Variants in HECA observed in about 807,000 individuals in gnomAD.
The protein encoded by HECA is headcase protein homolog.
A neutral mutation model predicts 37.6 loss-of-function variants in HECA; 13 were observed. The ratio of observed to expected loss-of-function variants is 0.35; its 90% CI spans 0.23 to 0.55. The LOEUF (loss-of-function observed/expected upper bound fraction) is 0.55, where lower values mean the gene tolerates loss of function less well. Ranked by LOEUF, HECA falls within the 20% of genes least tolerant of loss-of-function variation. The probability of loss-of-function intolerance (pLI) is 0.90; values close to 1 mark genes in which losing one functional copy is unlikely to be tolerated. For missense variants in HECA, 527 were observed against 701.9 expected (o/e 0.75, Z 2.82); for synonymous variants, 307 against 291.5 (o/e 1.05, Z -0.54).
chr6:139,159,100 T>G (rs951381686), intron 1 of HECA: 2 of 152,120 alleles, frequency 1.3e-5, no homozygotes, highest in Admixed American at 6.5e-5. Context: ...AAAAAAAAAT[T>G]ATTATTTCTG....
chr6:139,161,996 C>G (rs1008089647), intron 1 of HECA, among the ~76,000 whole-genome samples: 1 of 152,214 alleles, frequency 6.6e-6, no homozygotes, highest in Non-Finnish European at 1.5e-5. Context: ...GATTACAGCT[C>G]TCTTTTTCAC....
intron 1 of HECA, among the ~76,000 whole-genome samples, chr6:139,148,324 G>A (rs149687225): frequency 1.3e-5 from 2 of 152,352 alleles, no homozygotes; most frequent in African/African-American, 4.8e-5. Context: ...TGTGAGGAAA[G>A]TTGTGAAATT....
chr6:139,135,983 CGAAGGGAGGAAG>C (rs1314911188), intron 1 of HECA, among the ~76,000 whole-genome samples: 7 of 151,822 alleles, frequency 4.6e-5, no homozygotes, highest in African/African-American at 1.4e-4. Flanking sequence ...TGTGCCGGGC[CGAAGGGAGGAAG>C]GAAGGGAGGA....
At chr6:139,143,134 A>G (rs1229908637) in intron 1 of HECA, among the ~76,000 whole-genome samples, 3 of 152,228 alleles carry the variant, frequency 2.0e-5, no homozygotes, top group African/African-American at 7.2e-5. Flanking sequence ...GCTAGGTGCT[A>G]TAACTTACGC....
chr6:139,136,110 A>C (rs1445084699), intron 1 of HECA, among the ~76,000 whole-genome samples: 1 of 151,946 alleles, frequency 6.6e-6, no homozygotes, highest in Non-Finnish European at 1.5e-5. Context: ...TGAAGGAGAG[A>C]GAGCCTCAAT....
At chr6:139,161,013 G>T (rs946851478) in intron 1 of HECA, among the ~76,000 whole-genome samples, 1 of 152,202 alleles carries the variant, frequency 6.6e-6, no homozygotes, top group Admixed American at 6.5e-5. Flanking sequence ...ATTCCCTGCT[G>T]CTTTTCCAGT....
chr6:139,164,804 C>A (rs1335583714), intron 1 of HECA, among the ~76,000 whole-genome samples: 1 of 151,490 alleles, frequency 6.6e-6, no homozygotes, highest in Non-Finnish European at 1.5e-5. Flanking sequence ...CGCCCCCCAC[C>A]GCTCATACAA....
chr6:139,143,816 G>C (rs2114438620), intron 1 of HECA, among the ~76,000 whole-genome samples: 1 of 150,892 alleles, frequency 6.6e-6, no homozygotes, highest in South Asian at 2.1e-4. Context: ...AGCCGAGATT[G>C]CGCCACTGCA....
At chr6:139,152,418 A>G (rs1031134028) in intron 1 of HECA, among the ~76,000 whole-genome samples, 18 of 147,428 alleles carry the variant, frequency 1.2e-4, no homozygotes, top group African/African-American at 2.0e-4. Flanking sequence ...GAAGCATTGG[A>G]TGTGTGTGTG....
At position 139,174,540 on chromosome 6, in the gene HECA, G is replaced by A. The variant is rs761348110; in HGVS notation, c.1467+1G>A. 2 of 1,613,920 alleles carry A rather than the reference G, an allele frequency of 1.2e-6. No individual in the cohort carries two copies. Among genetic ancestry groups the A allele is most frequent in the Non-Finnish European group, 1.7e-6 (2 of 1,179,896 alleles). ...CCTGGCTGCCTCTCCATGTTGTCAGGTAGGTACTGAACACACTGAGGGAGC... is the reference window on the plus strand; with the variant it reads ...CCTGGCTGCCTCTCCATGTTGTCAGATAGGTACTGAACACACTGAGGGAGC... On this transcript the variant is annotated splice_donor_variant, in intron 3 of 3. Coordinates refer to ENST00000367658, the MANE Select transcript of HECA (RefSeq NM_016217.3). LOFTEE classifies it high-confidence loss of function.
chr6:139,174,622 A>G lies in HECA; in HGVS notation c.1467+83A>G, dbSNP rs573488442. ...GAATGTAGGGAAGATGCGTCTGGCAATAAAGAAGAAATTCAGTCCAGCAAT... is the reference window on the plus strand; with the variant it reads ...GAATGTAGGGAAGATGCGTCTGGCAGTAAAGAAGAAATTCAGTCCAGCAAT... On this transcript the variant is annotated intron_variant, in intron 3 of 3. Coordinates refer to ENST00000367658, the MANE Select transcript of HECA (RefSeq NM_016217.3). 5 of 1,539,558 alleles carry G rather than the reference A, an allele frequency of 3.2e-6. No homozygotes were observed. In the South Asian group the frequency reaches 6.3e-5, roughly 19 times the overall value.
In HECA at chr6:139,180,109, T is replaced by G. The variant is rs1353105317; in HGVS notation, c.*3004T>G. 6.6e-6 allele frequency: 1 copy of G among 152,200 alleles called. No individual in the cohort carries two copies. Among genetic ancestry groups the G allele is most frequent in the Non-Finnish European group, 1.5e-5 (1 of 68,036 alleles). The allele number at this position is 152,200 out of a possible 1,614,324, so 9.4% of individuals were successfully genotyped here. A position where few individuals can be genotyped will look rare whatever the true frequency, so the allele number is the denominator to read the frequency against. On this transcript the variant is annotated 3_prime_UTR_variant, in exon 4 of 4. Coordinates refer to ENST00000367658, the MANE Select transcript of HECA (RefSeq NM_016217.3). ...ACATGGTGCCATGAAGTTGGGGAGT[T>G]GGGTGAATTATCCCATTCTAGTTAC... is the stretch of plus-strand genomic sequence containing the variant.
At chr6:139,153,557 G>A (rs568171765) in intron 1 of HECA, among the ~76,000 whole-genome samples, 73 of 151,974 alleles carry the variant, frequency 4.8e-4, no homozygotes, top group African/African-American at 1.7e-3. Context: ...CGAGTAGCTG[G>A]GATTACAGGC....
intron 1 of HECA, chr6:139,150,942 A>G (rs547479093): frequency 6.6e-6 from 1 of 152,254 alleles, no homozygotes; most frequent in South Asian, 2.1e-4. Flanking sequence ...TCAAGTTAGT[A>G]TATGTGAACT....
At position 139,166,806 on chromosome 6, in the gene HECA, C is replaced by T. The variant is rs1774894079; in HGVS notation, c.794C>T (p.Pro265Leu). 12 of 1,613,750 alleles carry T rather than the reference C, an allele frequency of 7.4e-6. No individual in the cohort carries two copies. The highest frequency in any genetic ancestry group is 1.0e-5 in the Non-Finnish European group (12 of 1,179,964). ...GCCGCAGCCTACGGTGCCCGTTCCC[C>T]CGGTGGCTCCCCGGGCCAGTCCCCA... ...VGAAAYGARS[P>L]GGSPGQSPPT... Residue 265 changes from proline (P) to leucine (L), a missense_variant, in exon 2 of 4, where the codon CCC becomes CTC. Coordinates refer to ENST00000367658, the MANE Select transcript of HECA (RefSeq NM_016217.3).
At chr6:139,137,558 C>G (rs961568368) in intron 1 of HECA, among the ~76,000 whole-genome samples, 5 of 151,600 alleles carry the variant, frequency 3.3e-5, no homozygotes, top group African/African-American at 1.2e-4. Flanking sequence ...ACGAGACATC[C>G]CGGTCCTCAG....
rs1173045439 is a variant in HECA, at chr6:139,179,482, A to G, written c.*2377A>G. ...AATAAATAGGATGAGGTTTTACTGT[A>G]ATTGGGTAAAGTTTACTCTTGGACA... On this transcript the variant is annotated 3_prime_UTR_variant, in exon 4 of 4. Coordinates refer to ENST00000367658, the MANE Select transcript of HECA (RefSeq NM_016217.3). 6.6e-6 allele frequency: 1 copy of G among 152,130 alleles called. No homozygotes were observed. Among genetic ancestry groups the G allele is most frequent in the African/African-American group, 2.4e-5 (1 of 41,438 alleles). 9.4% of individuals were successfully genotyped at this position (152,130 alleles called of 1,614,324 possible). A position where few individuals can be genotyped will look rare whatever the true frequency, so the allele number is the denominator to read the frequency against.
intron 1 of HECA, chr6:139,165,993 C>T (rs1428107775): frequency 2.8e-5 from 8 of 290,174 alleles, no homozygotes; most frequent in East Asian, 1.2e-4. Context: ...GACGAGAAAT[C>T]GGTATGAGAC....
intron 1 of HECA, among the ~76,000 whole-genome samples, chr6:139,161,310 G>A (rs1774798716): frequency 6.6e-6 from 1 of 152,064 alleles, no homozygotes. Flanking sequence ...CTTTGTATTT[G>A]TTTTTGAAGC....
Sources: gnomAD v4.1 joint callset for allele counts (sites outside exome capture counted in the v4.1 genomes callset) on GRCh38, gnomAD v4.1.1 for gene constraint, MANE v1.5 for transcripts, NCBI Gene and HGNC (gene_info 2026-07-23, HGNC 2026-07-21) for gene names.